PLEKHF2: variants seen among roughly 807,000 people sequenced by gnomAD.
PLEKHF2 encodes the protein pleckstrin homology domain-containing family F member 2.
In PLEKHF2, 4 loss-of-function variants were observed where a neutral mutation model predicts 14.7. The ratio of observed to expected loss-of-function variants is 0.27; its 90% confidence interval spans 0.13 to 0.62. PLEKHF2 has a LOEUF of 0.62. PLEKHF2 is among the 20% of genes least tolerant of loss of function. PLEKHF2 has a pLI of 0.85. For synonymous variants in PLEKHF2, 90 were observed against 103.5 expected (o/e 0.87, Z 0.79); for missense variants, 201 against 307.7 (o/e 0.65, Z 2.60).
At chr8:95,138,510 T>C (rs1045164761) in intron 1 of PLEKHF2, among the ~76,000 whole-genome samples, 7 of 152,058 alleles carry the variant, frequency 4.6e-5, no homozygotes, top group South Asian at 2.1e-4. Context: ...TTTATACTTA[T>C]ATTTTTCTAC....
intron 1 of PLEKHF2, among the ~76,000 whole-genome samples, chr8:95,136,028 C>G (rs1249319772): frequency 6.6e-6 from 1 of 152,096 alleles, no homozygotes; most frequent in Admixed American, 6.6e-5. Flanking sequence ...CTCCAGAAAT[C>G]AATTAATTTC....
At chr8:95,149,693 T>A (rs1483250752) in intron 1 of PLEKHF2, among the ~76,000 whole-genome samples, 1 of 152,200 alleles carries the variant, frequency 6.6e-6, no homozygotes, top group Non-Finnish European at 1.5e-5. Flanking sequence ...AGTAATTTTA[T>A]TTACTTCTTG....
intron 1 of PLEKHF2, among the ~76,000 whole-genome samples, chr8:95,143,176 T>G (rs1179603939): frequency 1.3e-5 from 2 of 151,060 alleles, no homozygotes; most frequent in Non-Finnish European, 2.9e-5. Flanking sequence ...CTCGGCTCAC[T>G]GCAAGCTCCG....
chr8:95,154,517 G>A lies in PLEKHF2; in HGVS notation c.473G>A (p.Cys158Tyr). Residue 158 changes from cysteine (C) to tyrosine (Y), a missense_variant, in exon 2 of 2, where the codon TGT becomes TAT. Coordinates refer to ENST00000315367, the MANE Select transcript of PLEKHF2 (RefSeq NM_024613.4). The surrounding 1 kb of genome is among the most constrained non-coding windows in gnomAD (Gnocchi z 5.6). The stretch of plus-strand genomic sequence containing the variant: ...GTTCCTGACTCTGAGGCAACTGTAT[G>A]TATGCGTTGTCAGAAAGCAAAATTC... ...VWVPDSEATV[C>Y]MRCQKAKFTP... 1 of 1,614,194 alleles carries A rather than the reference G, an allele frequency of 6.2e-7. No individual in the cohort carries two copies. The highest frequency in any genetic ancestry group is 8.5e-7 in the Non-Finnish European group (1 of 1,180,010).
chr8:95,136,508 G>A (rs548449479), intron 1 of PLEKHF2, among the ~76,000 whole-genome samples: 22 of 152,260 alleles, frequency 1.4e-4, no homozygotes, highest in African/African-American at 5.1e-4. Flanking sequence ...GTATGAGAGA[G>A]AAGCCATGGA....
intron 1 of PLEKHF2, among the ~76,000 whole-genome samples, chr8:95,138,235 C>T (rs907039280): frequency 3.3e-5 from 5 of 151,990 alleles, no homozygotes; most frequent in Non-Finnish European, 7.4e-5. Context: ...TCACTCCAGT[C>T]AGGTTGCTAA....
intron 1 of PLEKHF2, among the ~76,000 whole-genome samples, chr8:95,146,508 G>A (rs1810502036): frequency 6.7e-6 from 1 of 149,786 alleles, no homozygotes; most frequent in African/African-American, 2.4e-5. Context: ...GTAGGATTCT[G>A]TGTCTTTTTT....
At chr8:95,149,213 A>T (rs1344863869) in intron 1 of PLEKHF2, among the ~76,000 whole-genome samples, 2 of 152,176 alleles carry the variant, frequency 1.3e-5, no homozygotes, top group African/African-American at 2.4e-5. Context: ...CTTTGCTTAT[A>T]GTATTTCCTT....
intron 1 of PLEKHF2, among the ~76,000 whole-genome samples, chr8:95,140,538 A>G (rs987849001): frequency 6.6e-6 from 1 of 152,084 alleles, no homozygotes; most frequent in Non-Finnish European, 1.5e-5. Context: ...TCTCATCCCT[A>G]TCTTACCAGA....
chr8:95,150,364 GAT>G (rs1327859774), intron 1 of PLEKHF2, among the ~76,000 whole-genome samples: 1 of 152,094 alleles, frequency 6.6e-6, no homozygotes, highest in Non-Finnish European at 1.5e-5. Flanking sequence ...TAGTTTTTCA[GAT>G]ATATGTCACA....
intron 1 of PLEKHF2, among the ~76,000 whole-genome samples, chr8:95,147,649 A>G (rs1810513268): frequency 6.6e-6 from 1 of 151,948 alleles, no homozygotes; most frequent in African/African-American, 2.4e-5. Flanking sequence ...TTATTCATTA[A>G]TTTCCCCCAA....
At chr8:95,135,876 T>G (rs1810369224) in intron 1 of PLEKHF2, among the ~76,000 whole-genome samples, 1 of 152,220 alleles carries the variant, frequency 6.6e-6, no homozygotes, top group Non-Finnish European at 1.5e-5. Context: ...GACTTGAATT[T>G]AGTTCTTCAG....
At position 95,155,317 on chromosome 8, in the gene PLEKHF2, C is replaced by T. The variant is rs1283903851; in HGVS notation, c.*523C>T. 5.9e-6 allele frequency: 1 copy of T among 168,132 alleles called. No individual in the cohort carries two copies. Among genetic ancestry groups the T allele is most frequent in the Non-Finnish European group, 1.5e-5 (1 of 68,928 alleles). 10.4% of individuals were successfully genotyped at this position (168,132 alleles called of 1,614,324 possible). ...AATAGCACTGTTACATGAAATAAGC[C>T]CCTACCTTCTTACTTTCTGGTTTGT... is the stretch of plus-strand genomic sequence containing the variant. On this transcript the variant is annotated 3_prime_UTR_variant, in exon 2 of 2. Coordinates refer to ENST00000315367, the MANE Select transcript of PLEKHF2 (RefSeq NM_024613.4).
chr8:95,155,319 CT>C lies in PLEKHF2; in HGVS notation c.*526del, dbSNP rs996905828. 2.4e-5 allele frequency: 4 copies of C among 168,262 alleles called. No homozygotes were observed. Among genetic ancestry groups the C allele is most frequent in the African/African-American group, 9.7e-5 (4 of 41,426 alleles). The allele number at this position is 168,262 out of a possible 1,614,324, so 10.4% of individuals were successfully genotyped here. A position where few individuals can be genotyped will look rare whatever the true frequency, so the allele number is the denominator to read the frequency against. On this transcript the variant is annotated 3_prime_UTR_variant, in exon 2 of 2. Coordinates refer to ENST00000315367, the MANE Select transcript of PLEKHF2 (RefSeq NM_024613.4). Reference sequence around the variant, plus strand: ...TAGCACTGTTACATGAAATAAGCCCCTACCTTCTTACTTTCTGGTTTGTTGA... The same window carrying C: ...TAGCACTGTTACATGAAATAAGCCCCACCTTCTTACTTTCTGGTTTGTTGA...
At chr8:95,134,514 C>T (rs979036512) in intron 1 of PLEKHF2, among the ~76,000 whole-genome samples, 1 of 152,168 alleles carries the variant, frequency 6.6e-6, no homozygotes, top group African/African-American at 2.4e-5. Flanking sequence ...GACCTTATGA[C>T]CTGAACTACA....
At position 95,154,728 on chromosome 8, in the gene PLEKHF2, C is replaced by A. The variant is rs1810596357; in HGVS notation, c.684C>A (p.Ser228Arg). 6.2e-7 allele frequency: 1 copy of A among 1,614,070 alleles called. No individual in the cohort carries two copies. The highest frequency in any genetic ancestry group is 8.5e-7 in the Non-Finnish European group (1 of 1,179,974). ...AGCCTGCTAGATCAGACTCTTACAG[C>A]CAGTCATTGAAGTCTCCTTTAAATG... ...TCQPARSDSY[S>R]QSLKSPLNDM... The change falls in exon 2 of 2, where the codon AGC becomes AGA. Residue 228 changes from serine (S) to arginine (R), a missense_variant. Coordinates refer to ENST00000315367, the MANE Select transcript of PLEKHF2 (RefSeq NM_024613.4). The surrounding 1 kb of genome is among the most constrained non-coding windows in gnomAD (Gnocchi z 5.6).
In PLEKHF2 at chr8:95,155,975, T is replaced by A. The variant is rs1810614582; in HGVS notation, c.*1181T>A. The A allele has an allele frequency of 6.0e-6, 1 of 167,120 alleles. No homozygotes were observed. Among genetic ancestry groups the A allele is most frequent in the Non-Finnish European group, 1.5e-5 (1 of 68,104 alleles). The allele number at this position is 167,120 out of a possible 1,614,324, so 10.4% of individuals were successfully genotyped here. A position where few individuals can be genotyped will look rare whatever the true frequency, so the allele number is the denominator to read the frequency against. On this transcript the variant is annotated 3_prime_UTR_variant, in exon 2 of 2. Transcript: ENST00000315367. Reference sequence around the variant, plus strand: ...AACAATTGTATGTATAATCTGTATTTGAAATCATTTTGCAATCTATGGAAA... The same window carrying A: ...AACAATTGTATGTATAATCTGTATTAGAAATCATTTTGCAATCTATGGAAA...
chr8:95,153,096 A>G (rs547113590), intron 1 of PLEKHF2, among the ~76,000 whole-genome samples: 1 of 152,300 alleles, frequency 6.6e-6, no homozygotes, highest in Admixed American at 6.5e-5. Flanking sequence ...AAACAAAACT[A>G]TCAGATGATC....
intron 1 of PLEKHF2, among the ~76,000 whole-genome samples, chr8:95,146,195 A>G (rs1293950429): frequency 6.6e-6 from 1 of 151,344 alleles, no homozygotes; most frequent in Non-Finnish European, 1.5e-5. Context: ...GGCTTTAAAA[A>G]TTATTTATGT....
Sources: gnomAD v4.1 joint callset for allele counts (sites outside exome capture counted in the v4.1 genomes callset) on GRCh38, gnomAD v4.1.1 for gene constraint, Gnocchi (gnomAD v3.1) non-coding constraint, MANE v1.5 for transcripts, NCBI Gene and HGNC (gene_info 2026-07-23, HGNC 2026-07-21) for gene names.